Variants in ABHD12 observed in about 807,000 individuals in gnomAD.
The protein encoded by ABHD12 is lysophosphatidylserine lipase ABHD12.
ABHD12 carries 43 observed loss-of-function variants against 58.3 expected under a neutral mutation model. That is an observed-to-expected ratio of 0.74 (90% CI 0.58 to 0.95). The LOEUF is 0.95. ABHD12 is among the 40% of genes least tolerant of loss of function. The pLI is 0.00. For synonymous variants in ABHD12, 219 were observed against 211.2 expected, an observed-to-expected ratio of 1.04 and a Z score of -0.32; for missense variants, 539 against 537.2, an observed-to-expected ratio of 1.00 and a Z score of -0.03.
intron 1 of ABHD12, among the ~76,000 whole-genome samples, chr20:25,340,261 A>G (rs1214159330): frequency 6.6e-6 from 1 of 152,276 alleles, no homozygotes; most frequent in Non-Finnish European, 1.5e-5. Flanking sequence ...GCTATAAACA[A>G]TATTTGTTAT....
At chr20:25,339,937 G>A (rs145805576) in intron 1 of ABHD12, among the ~76,000 whole-genome samples, 10 of 152,346 alleles carry the variant, frequency 6.6e-5, no homozygotes, top group South Asian at 4.1e-4. Context: ...TTCCAGGCCC[G>A]TCAAGCCAGG....
chr20:25,338,715 A>C (rs1180385655), intron 2 of ABHD12, among the ~76,000 whole-genome samples: 1 of 152,136 alleles, frequency 6.6e-6, no homozygotes, highest in Non-Finnish European at 1.5e-5. Flanking sequence ...GGTATAAAAA[A>C]CTAATTTGTT....
In ABHD12 at chr20:25,390,675, A is replaced by C. The variant is rs1246932103; in HGVS notation, c.29T>G (p.Leu10Trp). The change falls in exon 1 of 13, where the codon TTG becomes TGG. Residue 10 changes from leucine to tryptophan, a missense_variant. By Grantham distance (61) the Leu-to-Trp change is moderately conservative. Transcript: ENST00000339157. The stretch of plus-strand genomic sequence containing the variant: ...CGCGGCGGCGCAGCGCTCATGCTCC[A>C]AGGCGACGGGCTCGGTCCGCTTCCT... MRKRTEPVALEHERCAAAGS... is the reference protein window; with the variant it reads MRKRTEPVAWEHERCAAAGS... 4.9e-6 allele frequency: 7 copies of C among 1,430,774 alleles called. No individual in the cohort carries two copies. Among genetic ancestry groups the C allele is most frequent in the Non-Finnish European group, 6.4e-6 (7 of 1,094,396 alleles). 88.6% of individuals were successfully genotyped at this position (1,430,774 alleles called of 1,614,324 possible).
Position 25,385,489 on chromosome 20 carries a change from C to T in ABHD12, c.191+5024G>A, listed in dbSNP as rs190637827. ...ATACATAAACCACCAAAACTGAAAC[C>T]AGGACATAGCAAATTCTAAACAGAC... On this transcript the variant is annotated intron_variant, in intron 1 of 12. Transcript: ENST00000339157. Among the ~76,000 whole-genome samples the T allele has an allele frequency of 1.7e-3, 253 of 151,986 alleles. 2 individuals are homozygous for T. Among genetic ancestry groups the T allele is most frequent in the Non-Finnish European group, 2.7e-3 (184 of 67,978 alleles).
At chr20:25,330,220 C>G (rs1475768888) in intron 2 of ABHD12, among the ~76,000 whole-genome samples, 2 of 152,236 alleles carry the variant, frequency 1.3e-5, no homozygotes, top group Non-Finnish European at 2.9e-5. Context: ...CCTGGAAAAT[C>G]GGGTCACTCC....
At chr20:25,377,148 C>T (rs994367890) in intron 1 of ABHD12, among the ~76,000 whole-genome samples, 3 of 152,186 alleles carry the variant, frequency 2.0e-5, no homozygotes, top group African/African-American at 7.2e-5. Flanking sequence ...CAGTCCCTTC[C>T]TCCTGGAACC....
intron 6 of ABHD12, among the ~76,000 whole-genome samples, chr20:25,309,833 C>A (rs2088815689): frequency 6.6e-6 from 1 of 152,190 alleles, no homozygotes; most frequent in Non-Finnish European, 1.5e-5. Context: ...ACTGCACAAA[C>A]CAGACATCCC....
chr20:25,312,183 A>C (rs972677340), intron 6 of ABHD12, among the ~76,000 whole-genome samples: 2 of 150,870 alleles, frequency 1.3e-5, no homozygotes, highest in Admixed American at 6.6e-5. Context: ...CCCTCTCCCC[A>C]CGGTCTCCCT....
intron 1 of ABHD12, among the ~76,000 whole-genome samples, chr20:25,346,791 G>A (rs947644992): frequency 1.3e-5 from 2 of 151,930 alleles, no homozygotes; most frequent in African/African-American, 4.8e-5. Context: ...GACTACAGGC[G>A]CCTGCCACCA....
chr20:25,386,132 A>C (rs2090087274), intron 1 of ABHD12, among the ~76,000 whole-genome samples: 1 of 142,592 alleles, frequency 7.0e-6, no homozygotes, highest in African/African-American at 2.6e-5. Flanking sequence ...ATAAAAATAA[A>C]AGTTTAGAAT....
chr20:25,340,416 G>A (rs2089440212), intron 1 of ABHD12, among the ~76,000 whole-genome samples: 1 of 152,196 alleles, frequency 6.6e-6, no homozygotes, highest in Non-Finnish European at 1.5e-5. Context: ...CATGCAATCT[G>A]CTGTGAATCC....
At chr20:25,389,341 A>G (rs749000022) in intron 1 of ABHD12, among the ~76,000 whole-genome samples, 54 of 152,208 alleles carry the variant, frequency 3.5e-4, no homozygotes, top group Non-Finnish European at 7.1e-4. Context: ...AGAAGTGTCT[A>G]TAGTTTAATT....
rs1489157596 is a variant in ABHD12, at chr20:25,390,525, C to G, written c.179G>C (p.Arg60Pro). The change falls in exon 1 of 13, where the codon CGG becomes CCG. Residue 60 changes from arginine to proline, a missense_variant. Transcript: ENST00000339157. ...PRCAADAGMKRALGRRKGVWL... is the reference protein window; with the variant it reads ...PRCAADAGMKPALGRRKGVWL... ...CGCGAAGCCTCACCTGCCCAGCGCC[C>G]GCTTCATTCCCGCGTCGGCTGCGCA... 2 of 1,464,476 alleles carry G rather than the reference C, an allele frequency of 1.4e-6. No individual in the cohort carries two copies. Among genetic ancestry groups the G allele is most frequent in the Admixed American group, 2.3e-5 (1 of 42,816 alleles). 90.7% of individuals were successfully genotyped at this position (1,464,476 alleles called of 1,614,324 possible). A position where few individuals can be genotyped will look rare whatever the true frequency, so the allele number is the denominator to read the frequency against.
chr20:25,295,753 G>A, downstream of ABHD12: 1 of 1,444,838 alleles, frequency 6.9e-7, no homozygotes, highest in South Asian at 1.1e-5. Context: ...TATTTCCCAA[G>A]CTGAGTAGAT....
intron 1 of ABHD12, among the ~76,000 whole-genome samples, chr20:25,351,083 C>T (rs150132735): frequency 6.6e-6 from 1 of 152,076 alleles, no homozygotes; most frequent in African/African-American, 2.4e-5. Context: ...TTGCCATATG[C>T]ATAATAAACA....
rs544740549 is a variant in ABHD12, at chr20:25,324,965, T to C, written c.317-1535A>G. ...ACCACCATCACCATCTGATGGCTCC[T>C]ATTAGATTGCCAGCTCACATGACGG... On this transcript the variant is annotated intron_variant, in intron 2 of 12. Coordinates refer to ENST00000339157, the MANE Select transcript of ABHD12 (RefSeq NM_001042472.3). Among the ~76,000 whole-genome samples, 4 of 152,122 alleles carry C rather than the reference T, an allele frequency of 2.6e-5. No homozygotes were observed. In the South Asian group the frequency reaches 8.3e-4, roughly 32 times the overall value.
At chr20:25,361,376 C>T (rs1438171544) in intron 1 of ABHD12, among the ~76,000 whole-genome samples, 4 of 151,800 alleles carry the variant, frequency 2.6e-5, no homozygotes, top group Admixed American at 1.3e-4. Flanking sequence ...TAATGATTTT[C>T]TTGATAAACA....
downstream of ABHD12, chr20:25,296,436 C>G (rs142992981): frequency 6.2e-7 from 1 of 1,613,968 alleles, no homozygotes; most frequent in Non-Finnish European, 8.5e-7. Context: ...CTCCAGTGAC[C>G]GGACCATCAC....
At chr20:25,300,085 A>G, downstream of ABHD12, 1 of 631,412 alleles carries the variant, frequency 1.6e-6, no homozygotes, top group South Asian at 7.0e-5. Flanking sequence ...AGCTGCTGGG[A>G]CTAGAAAATT....
Sources: allele counts gnomAD v4.1 joint callset (sites outside exome capture counted in the v4.1 genomes callset), GRCh38; gene constraint gnomAD v4.1.1; transcripts MANE v1.5; gene names NCBI Gene and HGNC (gene_info 2026-07-23, HGNC 2026-07-21).